The following COL26A1 variants were observed in gnomAD, a reference collection of about 807,000 sequenced individuals.
COL26A1 encodes collagen type XXVI alpha 1 chain.
COL26A1 carries 41 observed loss-of-function variants against 59.3 expected under a neutral mutation model. The ratio of observed to expected loss-of-function variants is 0.69; its 90% confidence interval spans 0.54 to 0.90. The LOEUF (loss-of-function observed/expected upper bound fraction) is 0.90. COL26A1 is among the 40% of genes least tolerant of loss of function. COL26A1 has a pLI of 0.00. For missense variants in COL26A1, 612 were observed against 602.3 expected (o/e 1.02, Z -0.17); for synonymous variants, 266 against 256.0 (o/e 1.04, Z -0.37).
intron 9 of COL26A1, among the ~76,000 whole-genome samples, chr7:101,550,741 C>A (rs1465365606): frequency 6.6e-6 from 1 of 152,026 alleles, no homozygotes; most frequent in Non-Finnish European, 1.5e-5. Flanking sequence ...GCCTGGGGCT[C>A]CCGGGAGCCG....
chr7:101,455,233 G>T (rs772397000), intron 3 of COL26A1, among the ~76,000 whole-genome samples: 1 of 151,498 alleles, frequency 6.6e-6, no homozygotes, highest in African/African-American at 2.4e-5. Context: ...TTGTAGAGAC[G>T]GGGTTTCACC....
chr7:101,460,475 C>T (rs1244746075), intron 3 of COL26A1, among the ~76,000 whole-genome samples: 2 of 152,072 alleles, frequency 1.3e-5, no homozygotes, highest in Admixed American at 6.6e-5. Context: ...ACTCCAGCAT[C>T]TCTCTCCTTT....
chr7:101,398,694 A>G (rs1791921279), intron 1 of COL26A1, among the ~76,000 whole-genome samples: 1 of 152,002 alleles, frequency 6.6e-6, no homozygotes, highest in African/African-American at 2.4e-5. Context: ...CCTTGTCTGT[A>G]CCTCGGGAAG....
intron 3 of COL26A1, among the ~76,000 whole-genome samples, chr7:101,526,419 C>T (rs1478513248): frequency 3.3e-5 from 5 of 152,204 alleles, no homozygotes; most frequent in Non-Finnish European, 5.9e-5. Context: ...GGCACTTGCC[C>T]TGCACATGCC....
chr7:101,444,917 C>T (rs971682792), intron 2 of COL26A1, among the ~76,000 whole-genome samples: 4 of 151,958 alleles, frequency 2.6e-5, no homozygotes, highest in East Asian at 3.9e-4. Context: ...GATCTCGGCT[C>T]ACTGCAACCT....
At chr7:101,533,908 TG>T (rs1193450288) in intron 4 of COL26A1, among the ~76,000 whole-genome samples, 1 of 152,222 alleles carries the variant, frequency 6.6e-6, no homozygotes, top group African/African-American at 2.4e-5. Context: ...AGAAAGCCCT[TG>T]GCAGAGTTGC....
chr7:101,425,767 A>G (rs766648315), intron 2 of COL26A1, among the ~76,000 whole-genome samples: 1 of 150,960 alleles, frequency 6.6e-6, no homozygotes, highest in Non-Finnish European at 1.5e-5. Context: ...TCGGCCTCCC[A>G]AAGTGCTGGG....
chr7:101,469,483 C>T (rs1793842042), intron 3 of COL26A1, among the ~76,000 whole-genome samples: 1 of 146,190 alleles, frequency 6.8e-6, no homozygotes, highest in Non-Finnish European at 1.5e-5. Context: ...CAAGGGTTTA[C>T]ACGATTTCTC....
chr7:101,450,140 G>T (rs1330657644), intron 3 of COL26A1, among the ~76,000 whole-genome samples: 2 of 140,852 alleles, frequency 1.4e-5, no homozygotes, highest in East Asian at 2.0e-4. Context: ...AAAAAAAAAA[G>T]ATACAGATTA....
intron 1 of COL26A1, among the ~76,000 whole-genome samples, chr7:101,413,668 C>A (rs553730394): frequency 6.6e-6 from 1 of 152,276 alleles, no homozygotes; most frequent in South Asian, 2.1e-4. Context: ...GAGTGCTCAG[C>A]TGGGGAGAAG....
intron 5 of COL26A1, among the ~76,000 whole-genome samples, chr7:101,543,105 A>G (rs1274299296): frequency 6.6e-6 from 1 of 151,964 alleles, no homozygotes; most frequent in Non-Finnish European, 1.5e-5. Context: ...CCACCATACC[A>G]CAGTCCCATG....
At chr7:101,531,009 C>T (rs1795356531) in intron 3 of COL26A1, among the ~76,000 whole-genome samples, 2 of 151,484 alleles carry the variant, frequency 1.3e-5, no homozygotes, top group Admixed American at 1.3e-4. Context: ...CTCACTCTGT[C>T]ACCCAGGCTG....
At chr7:101,456,168 AT>A (rs149361281) in intron 3 of COL26A1, among the ~76,000 whole-genome samples, 3,700 of 124,548 alleles carry the variant, frequency 0.03, 74 homozygotes, top group African/African-American at 0.07. Flanking sequence ...ATATATATAT[AT>A]TTTTTTTTTA....
chr7:101,548,672 G>T (rs1468885461), intron 8 of COL26A1, among the ~76,000 whole-genome samples: 1 of 151,922 alleles, frequency 6.6e-6, no homozygotes, highest in Non-Finnish European at 1.5e-5. Context: ...CAGGGAGGGT[G>T]GGAAGGGGCC....
At chr7:101,387,630 G>GCTCTCTCTCT (rs374185692) in intron 1 of COL26A1, among the ~76,000 whole-genome samples, 6 of 132,424 alleles carry the variant, frequency 4.5e-5, no homozygotes, top group African/African-American at 1.7e-4. Flanking sequence ...TCTCTCTCTC[G>GCTCTCTCTCT]CTCTCTCTCT....
At chr7:101,411,984 C>T (rs1165751276) in intron 1 of COL26A1, among the ~76,000 whole-genome samples, 13 of 152,110 alleles carry the variant, frequency 8.5e-5, no homozygotes, top group Admixed American at 8.5e-4. Flanking sequence ...CTGACTCAGG[C>T]TCGGGACTCA....
chr7:101,367,528 G>T (rs143535511), intron 1 of COL26A1, among the ~76,000 whole-genome samples: 2,263 of 101,168 alleles, frequency 0.022, 41 homozygotes, highest in African/African-American at 0.13. Flanking sequence ...AGCCGGGCGT[G>T]GTGGTGCACA....
intron 1 of COL26A1, among the ~76,000 whole-genome samples, chr7:101,390,148 G>GTTTTT (rs60091954): frequency 2.1e-4 from 15 of 72,364 alleles, no homozygotes; most frequent in East Asian, 4.4e-4. Context: ...CATGTTAAGG[G>GTTTTT]TTTTTTTTTT....
In COL26A1 at chr7:101,555,810, A is replaced by G. The variant is rs999450901; in HGVS notation, c.1104A>G (p.Arg368=). ...AGGGCGAGGGGGTGCAGCAGCTGAGAGAGGCCCTGAAGATCCTGGCAGAGC... is the reference window on the plus strand; with the variant it reads ...AGGGCGAGGGGGTGCAGCAGCTGAGGGAGGCCCTGAAGATCCTGGCAGAGC... The part of the protein sequence containing the change: ...TAEGEGVQQL[R]EALKILAERV... Residue 368 remains arginine, a synonymous_variant, in exon 12 of 13, where the codon AGA becomes AGG. Coordinates refer to ENST00000313669, the MANE Select transcript of COL26A1 (RefSeq NM_001278563.3). The G allele has an allele frequency of 4.3e-6, 7 of 1,611,368 alleles. No homozygotes were observed. The highest frequency in any genetic ancestry group is 5.9e-6 in the Non-Finnish European group (7 of 1,179,142).
Sources: gnomAD v4.1 joint callset for allele counts (sites outside exome capture counted in the v4.1 genomes callset) on GRCh38, gnomAD v4.1.1 for gene constraint, MANE v1.5 for transcripts, NCBI Gene and HGNC (gene_info 2026-07-23, HGNC 2026-07-21) for gene names.